The following SRSF10 variants were observed in gnomAD, a reference collection of about 807,000 sequenced individuals.
SRSF10 encodes the protein serine/arginine-rich splicing factor 10.
A neutral mutation model predicts 32.6 loss-of-function variants in SRSF10; 9 were observed. That is an observed-to-expected ratio of 0.28 (90% CI 0.17 to 0.48). The LOEUF is 0.48. Ranked by LOEUF, SRSF10 falls within the 20% of genes least tolerant of loss-of-function variation. The pLI is 0.99. For missense variants in SRSF10, 201 were observed against 331.8 expected (o/e 0.61, Z 3.06); for synonymous variants, 105 against 112.4 (o/e 0.93, Z 0.42).
At position 23,965,866 on chromosome 1, in the gene SRSF10, T is replaced by C. The variant is rs980246443; in HGVS notation, c.*5276A>G. 6.6e-6 allele frequency: 1 copy of C among 151,836 alleles called. No individual in the cohort carries two copies. Among genetic ancestry groups the C allele is most frequent in the South Asian group, 2.1e-4 (1 of 4,832 alleles). The allele number at this position is 151,836 out of a possible 1,614,324, so 9.4% of individuals were successfully genotyped here. A position where few individuals can be genotyped will look rare whatever the true frequency, so the allele number is the denominator to read the frequency against. On this transcript the variant is annotated 3_prime_UTR_variant, in exon 6 of 6. Coordinates refer to ENST00000492112, the MANE Select transcript of SRSF10 (RefSeq NM_054016.4). ...TAAATGTCTTAACTTCAAAAGGAAA[T>C]GGAGAAGGGAGGTAGAGGGCAAAAA...
At chr1:23,977,108 T>C (rs1642140298) in intron 2 of SRSF10, 1 of 152,212 alleles carries the variant, frequency 6.6e-6, no homozygotes, top group Non-Finnish European at 1.5e-5. Flanking sequence ...GTAATGGAGC[T>C]TTGCAACCAA....
intron 1 of SRSF10, chr1:23,979,088 C>A (rs957003447): frequency 7.1e-4 from 101 of 141,490 alleles, no homozygotes; most frequent in Middle Eastern, 3.7e-3. Context: ...TTTACAGCAT[C>A]AAATCGACTC....
intron 3 of SRSF10, among the ~76,000 whole-genome samples, chr1:23,972,837 GTTCATGCGA>G (rs2148502970): frequency 6.6e-6 from 1 of 150,684 alleles, no homozygotes; most frequent in East Asian, 2.0e-4. Flanking sequence ...CGTCTCCTGA[GTTCATGCGA>G]TTCTCCTGCC....
chr1:23,974,194 T>C (rs1367915494), intron 3 of SRSF10, among the ~76,000 whole-genome samples: 1 of 151,978 alleles, frequency 6.6e-6, no homozygotes, highest in African/African-American at 2.4e-5. Context: ...GGTTTTACCA[T>C]GACCTTGTGA....
At chr1:23,973,548 T>C (rs987443816) in intron 3 of SRSF10, among the ~76,000 whole-genome samples, 9 of 152,062 alleles carry the variant, frequency 5.9e-5, no homozygotes, top group Non-Finnish European at 1.3e-4. Context: ...CTCAAACTCC[T>C]GGGCTCAGGC....
chr1:23,975,742 C>T (rs1642048892), intron 2 of SRSF10: 1 of 152,244 alleles, frequency 6.6e-6, no homozygotes, highest in Non-Finnish European at 1.5e-5. Flanking sequence ...TTATTACATC[C>T]ATGCAGACTG....
At position 23,971,853 on chromosome 1, in the gene SRSF10, C is replaced by T; in HGVS notation, c.434G>A (p.Arg145Lys). The change falls in exon 4 of 6, where the codon AGA (arginine) becomes AAA (lysine). Residue 145 changes from arginine (R) to lysine (K), a missense_variant. Physicochemically the swap from Arg to Lys is conservative, Grantham distance 26. Coordinates refer to ENST00000492112, the MANE Select transcript of SRSF10 (RefSeq NM_054016.4). The part of the protein sequence containing the change: ...DYNYRRSYSP[R>K]NSRPTGRPRR... ...CTGTGCTACACAGCACACTTACTTT[C>T]TAGGACTATACGATCTTCTATAGTT... is the stretch of plus-strand genomic sequence containing the variant. The T allele has an allele frequency of 6.2e-7, 1 of 1,605,110 alleles. No homozygotes were observed. Among genetic ancestry groups the T allele is most frequent in the Non-Finnish European group, 8.5e-7 (1 of 1,177,436 alleles).
chr1:23,968,067 T>A lies in SRSF10; in HGVS notation c.*3075A>T. ...CCATTCTATTTATCATTGAGCCCAG[T>A]CATACACAGTAGGTAAACTCAGTAA... On this transcript the variant is annotated 3_prime_UTR_variant, in exon 6 of 6. Transcript: ENST00000492112. 2 of 1,502,614 alleles carry A rather than the reference T, an allele frequency of 1.3e-6. No individual in the cohort carries two copies. The highest frequency in any genetic ancestry group is 2.5e-5 in the East Asian group (1 of 40,744). The allele number at this position is 1,502,614 out of a possible 1,614,324, so 93.1% of individuals were successfully genotyped here. A position where few individuals can be genotyped will look rare whatever the true frequency, so the allele number is the denominator to read the frequency against.
chr1:23,980,121 C>A, intron 1 of SRSF10, 70 bp downstream of exon 1: 2 of 1,464,668 alleles, frequency 1.4e-6, no homozygotes, highest in South Asian at 1.2e-5. Context: ...CCAGTGCCGC[C>A]ACCACCAGGG....
In SRSF10 at chr1:23,965,781, T is replaced by C. The variant is rs1270188867; in HGVS notation, c.*5361A>G. The C allele has an allele frequency of 2.0e-5, 3 of 151,954 alleles. No individual in the cohort carries two copies. Among genetic ancestry groups the C allele is most frequent in the African/African-American group, 7.2e-5 (3 of 41,436 alleles). 9.4% of individuals were successfully genotyped at this position (151,954 alleles called of 1,614,324 possible). A position where few individuals can be genotyped will look rare whatever the true frequency, so the allele number is the denominator to read the frequency against. On this transcript the variant is annotated 3_prime_UTR_variant, in exon 6 of 6. Transcript: ENST00000492112. ...ACTGTTGTTATTGTAGTTATATATG[T>C]ATTTACCTAATTTTTTTTAAACAAA... is the stretch of plus-strand genomic sequence containing the variant.
chr1:23,977,792 G>C, intron 2 of SRSF10: 1 of 564,630 alleles, frequency 1.8e-6, no homozygotes, highest in Non-Finnish European at 2.2e-6. Context: ...CAACATCAAA[G>C]GCCCACATAA....
In SRSF10 at chr1:23,969,777, C is replaced by A; in HGVS notation, c.*1365G>T. Reference sequence around the variant, plus strand: ...TTTAGTCAGGTACTACACTGATAATCGAAAGCTCAAAAGATGTGACTCTTG... The same window carrying A: ...TTTAGTCAGGTACTACACTGATAATAGAAAGCTCAAAAGATGTGACTCTTG... On this transcript the variant is annotated 3_prime_UTR_variant, in exon 6 of 6. Transcript: ENST00000492112. 1 of 985,282 alleles carries A rather than the reference C, an allele frequency of 1.0e-6. No individual in the cohort carries two copies. The highest frequency in any genetic ancestry group is 1.2e-6 in the Non-Finnish European group (1 of 829,820). 61.0% of individuals were successfully genotyped at this position (985,282 alleles called of 1,614,324 possible).
chr1:23,976,267 C>G (rs1478251646), intron 2 of SRSF10: 2 of 152,134 alleles, frequency 1.3e-5, no homozygotes, highest in Non-Finnish European at 2.9e-5. Flanking sequence ...GAGACCGATA[C>G]TGGTATTTTT....
intron 2 of SRSF10, 133 bp downstream of exon 2, chr1:23,978,576 GAATT>G (rs1447682291): frequency 6.1e-6 from 7 of 1,145,446 alleles, no homozygotes; most frequent in African/African-American, 4.7e-5. Flanking sequence ...GTGTGAGTCA[GAATT>G]AATTTTCAAA....
chr1:23,967,784 G>C lies in SRSF10; in HGVS notation c.*3358C>G. On this transcript the variant is annotated 3_prime_UTR_variant, in exon 6 of 6. Coordinates refer to ENST00000492112, the MANE Select transcript of SRSF10 (RefSeq NM_054016.4). ...CCTTTATTCTTCTCTGTGGTATACAGGATTTTGTTAGTTGAACTGGATGTA... is the reference window on the plus strand; with the variant it reads ...CCTTTATTCTTCTCTGTGGTATACACGATTTTGTTAGTTGAACTGGATGTA... The C allele has an allele frequency of 6.3e-7, 1 of 1,599,180 alleles. No individual in the cohort carries two copies. The highest frequency in any genetic ancestry group is 2.2e-5 in the East Asian group (1 of 44,700).
chr1:23,974,561 G>C (rs972107295), intron 3 of SRSF10, among the ~76,000 whole-genome samples: 1 of 152,142 alleles, frequency 6.6e-6, no homozygotes, highest in African/African-American at 2.4e-5. Flanking sequence ...AGTAGCTCAC[G>C]CCTGTAATCC....
intron 3 of SRSF10, 124 bp from the exon 4 acceptor site, chr1:23,972,136 T>G: frequency 2.7e-5 from 21 of 786,096 alleles, no homozygotes; most frequent in Non-Finnish European, 3.1e-5. Flanking sequence ...ATGACCCGGG[T>G]GGTGGCTCAC....
At chr1:23,973,121 T>C (rs1451517956) in intron 3 of SRSF10, among the ~76,000 whole-genome samples, 1 of 152,214 alleles carries the variant, frequency 6.6e-6, no homozygotes, top group Non-Finnish European at 1.5e-5. Context: ...CAAGGCTGGG[T>C]TGAGGTAACT....
rs1641729995 is a variant in SRSF10, at chr1:23,971,116, C to A, written c.*26G>T. The A allele has an allele frequency of 1.3e-6, 2 of 1,565,450 alleles. No individual in the cohort carries two copies. Among genetic ancestry groups the A allele is most frequent in the South Asian group, 1.2e-5 (1 of 82,176 alleles). On this transcript the variant is annotated 3_prime_UTR_variant, in exon 6 of 6. Coordinates refer to ENST00000492112, the MANE Select transcript of SRSF10 (RefSeq NM_054016.4). ...ACTATGAGTAAATGAATGATACATG[C>A]CTAAAAATGACCATGGTTTATACTA...
Sources: allele counts gnomAD v4.1 joint callset (sites outside exome capture counted in the v4.1 genomes callset), GRCh38; gene constraint gnomAD v4.1.1; transcripts MANE v1.5; gene names NCBI Gene and HGNC (gene_info 2026-07-23, HGNC 2026-07-21).